The following MALRD1 variants were observed in gnomAD, a reference collection of about 807,000 sequenced individuals.
MALRD1 encodes MAM and LDL receptor class A domain containing 1.
Under a neutral mutation model 242.1 loss-of-function variants are expected in MALRD1, and 247 were observed. That is an observed-to-expected ratio of 1.02 (90% CI 0.92 to 1.13). The LOEUF is 1.13. Ranked by LOEUF, MALRD1 falls within the 50% of genes most tolerant of loss-of-function variation. The probability of loss-of-function intolerance (pLI) is 0.00; values close to 1 mark genes in which losing one functional copy is unlikely to be tolerated. For missense variants in MALRD1, 2,989 were observed against 2,533.1 expected (o/e 1.18, Z -3.86); for synonymous variants, 995 against 866.6 (o/e 1.15, Z -2.60).
chr10:19,591,247 ATGT>A (rs1284343077), intron 33 of MALRD1, among the ~76,000 whole-genome samples: 1 of 152,236 alleles, frequency 6.6e-6, no homozygotes, highest in Non-Finnish European at 1.5e-5. Context: ...AGAACAATGA[ATGT>A]TGTTCTTATT....
chr10:19,209,485 C>A lies in MALRD1; in HGVS notation c.2796C>A (p.Ile932=). The A allele has an allele frequency of 6.4e-7, 1 of 1,550,792 alleles. No homozygotes were observed. Among genetic ancestry groups the A allele is most frequent in the South Asian group, 1.2e-5 (1 of 84,064 alleles). ...ACAGTGCTGCCTTACTCAGCCCAAT[C>A]CTTAATGCCACTGATACAAAAGGCT... The part of the protein sequence containing the change: ...FQDSAALLSP[I]LNATDTKGCT... The change falls in exon 18 of 40, where the codon ATC becomes ATA. Residue 932 remains isoleucine, a synonymous_variant. Coordinates refer to ENST00000454679, the MANE Select transcript of MALRD1 (RefSeq NM_001142308.3).
intron 26 of MALRD1, among the ~76,000 whole-genome samples, chr10:19,374,522 A>G (rs1045275112): frequency 5.3e-5 from 8 of 152,182 alleles, no homozygotes; most frequent in Non-Finnish European, 8.8e-5. Context: ...TTGTGATTTT[A>G]TTTAGTATCA....
chr10:19,208,707 C>T (rs1324212455), intron 17 of MALRD1, among the ~76,000 whole-genome samples: 1 of 152,138 alleles, frequency 6.6e-6, no homozygotes, highest in Non-Finnish European at 1.5e-5. Context: ...ATGAAGTCAG[C>T]AATTTTACCG....
At chr10:19,614,111 T>A (rs1172857029) in intron 35 of MALRD1, among the ~76,000 whole-genome samples, 1 of 152,018 alleles carries the variant, frequency 6.6e-6, no homozygotes, top group Non-Finnish European at 1.5e-5. Flanking sequence ...TTTATTAAAC[T>A]CATACTATGA....
At chr10:19,445,200 C>T (rs1233964072) in intron 28 of MALRD1, among the ~76,000 whole-genome samples, 4 of 152,108 alleles carry the variant, frequency 2.6e-5, no homozygotes, top group Non-Finnish European at 4.4e-5. Flanking sequence ...TCTAGTTAGC[C>T]TTTCATCTAA....
intron 29 of MALRD1, among the ~76,000 whole-genome samples, chr10:19,462,796 G>A (rs571030464): frequency 1.3e-5 from 2 of 152,300 alleles, no homozygotes; most frequent in Non-Finnish European, 1.5e-5. Context: ...CAGTGAGAGT[G>A]GAGACGGAGA....
intron 1 of MALRD1, among the ~76,000 whole-genome samples, chr10:19,053,964 G>A (rs1357794682): frequency 1.3e-5 from 2 of 151,996 alleles, no homozygotes; most frequent in African/African-American, 2.4e-5. Context: ...ATGATATTAA[G>A]CACTTAACCT....
chr10:19,060,834 A>G (rs1834801996), intron 1 of MALRD1, among the ~76,000 whole-genome samples: 1 of 152,218 alleles, frequency 6.6e-6, no homozygotes, highest in Non-Finnish European at 1.5e-5. Context: ...AAGCAGCCTT[A>G]TATCATGTGC....
At chr10:19,454,509 G>A (rs1316738239) in intron 29 of MALRD1, among the ~76,000 whole-genome samples, 2 of 146,178 alleles carry the variant, frequency 1.4e-5, no homozygotes, top group East Asian at 4.0e-4. Context: ...ACTTATGATG[G>A]TGTTATATAT....
chr10:19,618,897 G>T (rs1454157852), intron 36 of MALRD1, among the ~76,000 whole-genome samples: 1 of 151,868 alleles, frequency 6.6e-6, no homozygotes, highest in African/African-American at 2.4e-5. Context: ...TAAATATTGG[G>T]ACGTTAGACG....
intron 18 of MALRD1, among the ~76,000 whole-genome samples, chr10:19,255,794 A>G (rs1229764810): frequency 6.6e-6 from 1 of 152,084 alleles, no homozygotes; most frequent in African/African-American, 2.4e-5. Context: ...GAATGCAGAT[A>G]GAAACAATAT....
chr10:19,341,492 A>ATGTATATATGTATATATATGTG (rs1413317685), intron 24 of MALRD1, among the ~76,000 whole-genome samples: 1 of 139,562 alleles, frequency 7.2e-6, no homozygotes, highest in Non-Finnish European at 1.6e-5. Context: ...GTGTATATAT[A>ATGTATATATGTATATATATGTG]TGTATATATG....
At chr10:19,300,045 A>G (rs897065207) in intron 21 of MALRD1, among the ~76,000 whole-genome samples, 6 of 152,006 alleles carry the variant, frequency 3.9e-5, no homozygotes, top group African/African-American at 1.4e-4. Flanking sequence ...ATCAATGTAC[A>G]AAAGTCAGTA....
chr10:19,733,498 T>C (rs1055053913), intron 39 of MALRD1, among the ~76,000 whole-genome samples: 3 of 152,110 alleles, frequency 2.0e-5, no homozygotes, highest in Admixed American at 6.5e-5. Flanking sequence ...AATTGTCTCA[T>C]TAAAACCTAA....
chr10:19,587,405 A>G (rs1394419004), intron 33 of MALRD1, among the ~76,000 whole-genome samples: 1 of 152,218 alleles, frequency 6.6e-6, no homozygotes, highest in Non-Finnish European at 1.5e-5. Flanking sequence ...TCTGCACTTT[A>G]AAACTGAAGT....
chr10:19,204,291 T>TC lies in MALRD1; in HGVS notation c.2105-17_2105-16insC. On this transcript the variant is annotated splice_polypyrimidine_tract_variant and intron_variant, in intron 15 of 39. Transcript: ENST00000454679. Reference sequence around the variant, plus strand: ...ATAGGTTAATGAAGCGTTTTTTTTTTTTTTTTATCTCAACAGGGCATTTTA... The same window carrying TC: ...ATAGGTTAATGAAGCGTTTTTTTTTTCTTTTTTATCTCAACAGGGCATTTTA... The TC allele has an allele frequency of 2.0e-6, 3 of 1,484,054 alleles. No individual in the cohort carries two copies. The highest frequency in any genetic ancestry group is 2.7e-6 in the Non-Finnish European group (3 of 1,111,066). 91.9% of individuals were successfully genotyped at this position (1,484,054 alleles called of 1,614,324 possible).
chr10:19,331,403 T>C lies in MALRD1; in HGVS notation c.3722T>C (p.Ile1241Thr), dbSNP rs933595388. The change falls in exon 24 of 40, where the codon ATA becomes ACA. Residue 1241 changes from isoleucine to threonine, a missense_variant. Ile to Thr is a moderately conservative substitution (Grantham distance 89). Transcript: ENST00000454679. ...VFRAKRGISYIGDVAVDDISF... is the reference protein window; with the variant it reads ...VFRAKRGISYTGDVAVDDISF... ...AGAGCCAAACGTGGTATCAGTTACA[T>C]AGGAGATGTAGCAGTGGATGATATT... is the stretch of plus-strand genomic sequence containing the variant. 3 of 1,550,534 alleles carry C rather than the reference T, an allele frequency of 1.9e-6. No homozygotes were observed. The highest frequency in any genetic ancestry group is 2.0e-5 in the Admixed American group (1 of 50,952).
At chr10:19,048,462 G>T (rs1834393450), upstream of MALRD1, among the ~76,000 whole-genome samples, 1 of 152,088 alleles carries the variant, frequency 6.6e-6, no homozygotes, top group Admixed American at 6.5e-5. Context: ...TCTAATAATT[G>T]GGCCTGAAAT....
In MALRD1 at chr10:19,324,008, C is replaced by T. The variant is rs545887640; in HGVS notation, c.3479C>T (p.Thr1160Met). ...AGTTCTAATGGGAAATTTGGTGACA[C>T]GGCTGACATTCTCACTCCTATCATT... ...ADSSNGKFGD[T>M]ADILTPIISL... Residue 1160 changes from threonine to methionine, a missense_variant, in exon 22 of 40, where the codon ACG (threonine) becomes ATG (methionine). Thr to Met is a moderately conservative substitution (Grantham distance 81). Transcript: ENST00000454679. The T allele has an allele frequency of 2.4e-5, 37 of 1,550,658 alleles. No homozygotes were observed. Among genetic ancestry groups the T allele is most frequent in the African/African-American group, 1.1e-4 (8 of 73,006 alleles).
Sources: gnomAD v4.1 joint callset for allele counts (sites outside exome capture counted in the v4.1 genomes callset) on GRCh38, gnomAD v4.1.1 for gene constraint, MANE v1.5 for transcripts, NCBI Gene and HGNC (gene_info 2026-07-23, HGNC 2026-07-21) for gene names.